PRKCH: variants seen among roughly 807,000 people sequenced by gnomAD.
The protein encoded by PRKCH is protein kinase C eta type.
In PRKCH, 28 loss-of-function variants were observed where a neutral mutation model predicts 82.5. The observed-to-expected ratio is 0.34, with a 90% CI of 0.25 to 0.47. The LOEUF is 0.47. PRKCH is among the 20% of genes least tolerant of loss of function. The pLI, the probability that PRKCH is intolerant of heterozygous loss-of-function variation, is 1.00. For missense variants in PRKCH, 705 were observed against 881.8 expected (o/e 0.80, Z 2.54); for synonymous variants, 322 against 327.4 (o/e 0.98, Z 0.18).
chr14:61,281,180 C>T, intron 1 of PRKCH: 1 of 1,267,048 alleles, frequency 7.9e-7, no homozygotes, highest in African/African-American at 1.6e-5. Context: ...CGCGGGCTGA[C>T]CGAGTGGGGG....
At chr14:61,194,474 A>G (rs2044428256) in intron 1 of PRKCH, among the ~76,000 whole-genome samples, 1 of 152,214 alleles carries the variant, frequency 6.6e-6, no homozygotes, top group South Asian at 2.1e-4. Flanking sequence ...ATGTGAAGAC[A>G]CAGCAAGAAG....
intron 7 of PRKCH, among the ~76,000 whole-genome samples, chr14:61,453,991 CGGATA>C (rs1884642035): frequency 6.6e-6 from 1 of 151,812 alleles, no homozygotes; most frequent in Admixed American, 6.6e-5. Context: ...ATTTGTTTCA[CGGATA>C]AGATTGTATA....
intron 2 of PRKCH, among the ~76,000 whole-genome samples, chr14:61,403,081 A>G (rs1486623094): frequency 6.6e-6 from 1 of 152,114 alleles, no homozygotes; most frequent in Non-Finnish European, 1.5e-5. Context: ...TGCAAATTGT[A>G]AAATAATGCC....
intron 10 of PRKCH, among the ~76,000 whole-genome samples, chr14:61,524,492 T>A (rs1393897261): frequency 2.0e-5 from 3 of 152,238 alleles, no homozygotes; most frequent in African/African-American, 7.2e-5. Context: ...GAACTTGTAA[T>A]CTTCATTGTG....
Position 61,363,289 on chromosome 14 carries a change from C to G in PRKCH, c.364-27936C>G, listed in dbSNP as rs1197653030. On this transcript the variant is annotated intron_variant, in intron 1 of 13. Transcript: ENST00000332981. ...AATTTTAAGCAGGGGTGTAAATGGCCAGATTTTCCTGGTTTGCTATGGCAG... is the reference window on the plus strand; with the variant it reads ...AATTTTAAGCAGGGGTGTAAATGGCGAGATTTTCCTGGTTTGCTATGGCAG... Among the ~76,000 whole-genome samples the G allele has an allele frequency of 5.3e-5, 8 of 152,046 alleles. No homozygotes were observed. In the East Asian group the frequency reaches 1.5e-3, roughly 29 times the overall value.
At chr14:61,548,795 G>A (rs1186449388) in intron 13 of PRKCH, among the ~76,000 whole-genome samples, 1 of 151,362 alleles carries the variant, frequency 6.6e-6, no homozygotes, top group Non-Finnish European at 1.5e-5. Flanking sequence ...CCTAGGAGGT[G>A]GAGATTGCAG....
chr14:61,499,046 G>T (rs1274277113), intron 10 of PRKCH, among the ~76,000 whole-genome samples: 1 of 152,102 alleles, frequency 6.6e-6, no homozygotes, highest in Admixed American at 6.5e-5. Context: ...GGATTAGACC[G>T]AGGCGTTGTC....
At chr14:61,303,055 C>T (rs1264949373) in intron 1 of PRKCH, 2 of 135,314 alleles carry the variant, frequency 1.5e-5, no homozygotes, top group South Asian at 2.4e-4. Flanking sequence ...CTCTGTCATC[C>T]AGGCTGGAGT....
At chr14:61,358,766 C>T (rs546710345) in intron 1 of PRKCH, among the ~76,000 whole-genome samples, 1 of 152,278 alleles carries the variant, frequency 6.6e-6, no homozygotes, top group South Asian at 2.1e-4. Context: ...TTCCTGATTC[C>T]GGCTTCATCC....
chr14:61,230,669 T>C (rs2044735970), intron 1 of PRKCH, among the ~76,000 whole-genome samples: 1 of 152,230 alleles, frequency 6.6e-6, no homozygotes, highest in Admixed American at 6.5e-5. Flanking sequence ...ACAGAGAAGC[T>C]GTATGCAAAC....
chr14:61,473,016 G>A (rs929849788), intron 9 of PRKCH, among the ~76,000 whole-genome samples: 19 of 152,178 alleles, frequency 1.2e-4, no homozygotes, highest in Admixed American at 1.1e-3. Flanking sequence ...TGATCCTCGT[G>A]GAGGTTGGAA....
Position 61,280,470 on chromosome 14 carries a change from C to T in PRKCH, c.-19+92802C>T, listed in dbSNP as rs199714764. On this transcript the variant is annotated intron_variant, in intron 1 of 3. Transcript: ENST00000555185. This position sits in a 1 kb window ranked among gnomAD's most constrained non-coding sequence, Gnocchi z 5.0. ...CGTAGACTGGCCGGCGCCAGTTGGGCGGGGGCGCCGTGCCCTGGAAGGCCA... is the reference window on the plus strand; with the variant it reads ...CGTAGACTGGCCGGCGCCAGTTGGGTGGGGGCGCCGTGCCCTGGAAGGCCA... 1.1e-4 allele frequency: 182 copies of T among 1,613,240 alleles called. No homozygotes were observed. Among genetic ancestry groups the T allele is most frequent in the Non-Finnish European group, 7.5e-5 (89 of 1,179,710 alleles).
At chr14:61,230,644 A>G (rs897617435) in intron 1 of PRKCH, among the ~76,000 whole-genome samples, 2 of 152,214 alleles carry the variant, frequency 1.3e-5, no homozygotes, top group Admixed American at 1.3e-4. Context: ...ATGTTTACTC[A>G]CAAACACACA....
intron 9 of PRKCH, among the ~76,000 whole-genome samples, chr14:61,485,195 C>T (rs986841422): frequency 2.6e-5 from 4 of 152,142 alleles, no homozygotes; most frequent in Non-Finnish European, 4.4e-5. Flanking sequence ...TCTCCAGGTA[C>T]ATGACCTTTA....
intron 1 of PRKCH, among the ~76,000 whole-genome samples, chr14:61,269,093 T>C (rs2045128916): frequency 6.6e-6 from 1 of 152,224 alleles, no homozygotes; most frequent in Admixed American, 6.5e-5. Flanking sequence ...TATGACAAAG[T>C]AAATGACGTG....
chr14:61,252,329 G>A (rs905596330), intron 1 of PRKCH, among the ~76,000 whole-genome samples: 2 of 152,224 alleles, frequency 1.3e-5, no homozygotes, highest in East Asian at 3.8e-4. Flanking sequence ...AAGGAAGACC[G>A]TGACTTTCTC....
chr14:61,369,702 A>G lies in PRKCH; in HGVS notation c.364-21523A>G, dbSNP rs542709528. On this transcript the variant is annotated intron_variant, in intron 1 of 13. Coordinates refer to ENST00000332981, the MANE Select transcript of PRKCH (RefSeq NM_006255.5). ...GACATTTGTCTTTCGAATCAACTCTAAAGTATTACATGTTTTGACTGTTTA... is the reference window on the plus strand; with the variant it reads ...GACATTTGTCTTTCGAATCAACTCTGAAGTATTACATGTTTTGACTGTTTA... Among the ~76,000 whole-genome samples, 3 of 152,172 alleles carry G rather than the reference A, an allele frequency of 2.0e-5. No homozygotes were observed. In the East Asian group the frequency reaches 5.8e-4, roughly 29 times the overall value.
intron 1 of PRKCH, among the ~76,000 whole-genome samples, chr14:61,379,151 C>T (rs2046464229): frequency 6.6e-6 from 1 of 152,206 alleles, no homozygotes; most frequent in Non-Finnish European, 1.5e-5. Context: ...ATTTGATCAT[C>T]TGTAACCCCT....
At chr14:61,448,608 G>C (rs181346992) in intron 4 of PRKCH, among the ~76,000 whole-genome samples, 1 of 152,272 alleles carries the variant, frequency 6.6e-6, no homozygotes, top group Non-Finnish European at 1.5e-5. Context: ...TCATGGAAGA[G>C]ACATTTTCTG....
Sources: gnomAD v4.1 joint callset for allele counts (sites outside exome capture counted in the v4.1 genomes callset) on GRCh38, gnomAD v4.1.1 for gene constraint, Gnocchi (gnomAD v3.1) non-coding constraint, MANE v1.5 for transcripts, NCBI Gene and HGNC (gene_info 2026-07-23, HGNC 2026-07-21) for gene names.